Variants in ODF2L observed in about 807,000 individuals in gnomAD.
ODF2L encodes outer dense fiber of sperm tails 2 like, also known as protein BCAP.
In ODF2L, 76 loss-of-function variants were observed where a neutral mutation model predicts 86.3. The observed-to-expected ratio is 0.88, with a 90% CI of 0.73 to 1.07. The LOEUF is 1.07. Ranked by LOEUF, ODF2L falls within the 50% of genes least tolerant of loss-of-function variation. The pLI is 0.00. For missense variants in ODF2L, 748 were observed against 717.4 expected (o/e 1.04, Z -0.49); for synonymous variants, 241 against 231.3 (o/e 1.04, Z -0.38).
chr1:86,357,897 G>C, intron 13 of ODF2L: 1 of 984,970 alleles, frequency 1.0e-6, no homozygotes, highest in Non-Finnish European at 1.2e-6. Flanking sequence ...CAGAAAAGGA[G>C]ACATTTGCAC....
intron 3 of ODF2L, 140 bp from the exon 4 acceptor site, chr1:86,384,941 T>G (rs2273941): frequency 0.32 from 156,896 of 483,608 alleles, 26,035 homozygotes; most frequent in East Asian, 0.38. Flanking sequence ...GCTACGAAAT[T>G]TGTCAATAGT....
intron 1 of ODF2L, among the ~76,000 whole-genome samples, chr1:86,393,446 C>G (rs112820429): frequency 2.7e-5 from 4 of 150,254 alleles, no homozygotes; most frequent in Admixed American, 6.6e-5. Context: ...AAATCTTATG[C>G]GTAAAAGCTA....
intron 11 of ODF2L, among the ~76,000 whole-genome samples, chr1:86,365,773 A>G (rs1035748032): frequency 1.4e-4 from 21 of 152,210 alleles, no homozygotes; most frequent in African/African-American, 5.1e-4. Flanking sequence ...AAGTTCATCT[A>G]TCTGTAGAAT....
intron 11 of ODF2L, among the ~76,000 whole-genome samples, chr1:86,362,289 T>C (rs888496247): frequency 5.9e-5 from 9 of 152,004 alleles, no homozygotes; most frequent in African/African-American, 2.2e-4. Context: ...TTTTTTTACT[T>C]TTTAATTTGT....
intron 7 of ODF2L, 44 bp from the exon 8 acceptor site, chr1:86,376,462 A>G (rs1454786359): frequency 1.6e-6 from 2 of 1,227,972 alleles, no homozygotes; most frequent in East Asian, 2.3e-5. Flanking sequence ...CAGAACTCCA[A>G]TGTTTATGTA....
Position 86,354,755 on chromosome 1 carries a change from T to TA in ODF2L, c.1604+18dup, listed in dbSNP as rs761365366. ...GCAGAGAAATATGCAGCAGCAATGTTAAGTAATTTAATACTTACTGTTGAA... is the reference window on the plus strand; with the variant it reads ...GCAGAGAAATATGCAGCAGCAATGTTAAAGTAATTTAATACTTACTGTTGAA... On this transcript the variant is annotated intron_variant, in intron 15 of 17. Coordinates refer to ENST00000317336, the Ensembl canonical transcript of ODF2L. 1.9e-6 allele frequency: 3 copies of TA among 1,541,668 alleles called. No individual in the cohort carries two copies. Among genetic ancestry groups the TA allele is most frequent in the Non-Finnish European group, 2.7e-6 (3 of 1,116,408 alleles).
chr1:86,357,122 G>T (rs1658635618), intron 13 of ODF2L, among the ~76,000 whole-genome samples: 1 of 152,046 alleles, frequency 6.6e-6, no homozygotes, highest in Non-Finnish European at 1.5e-5. Context: ...CTTTAATTTG[G>T]CCATTAATGT....
chr1:86,358,657 T>A (rs554370032), intron 13 of ODF2L, 130 bp downstream of exon 12: 1 of 379,412 alleles, frequency 2.6e-6, no homozygotes, highest in African/African-American at 2.1e-5. Flanking sequence ...GAAAACAAAC[T>A]CTTACAGAGG....
chr1:86,352,168 C>A, exon 18 of ODF2L: 3 of 1,519,250 alleles, frequency 2.0e-6, no homozygotes, highest in Non-Finnish European at 2.6e-6. Flanking sequence ...TTTTTAGACA[C>A]TTGGGAATTA....
At chr1:86,359,479 C>A (rs1240386340) in intron 12 of ODF2L, among the ~76,000 whole-genome samples, 1 of 151,852 alleles carries the variant, frequency 6.6e-6, no homozygotes, top group African/African-American at 2.4e-5. Context: ...TCCTACTTGC[C>A]CACACTTTGG....
chr1:86,388,676 A>G (rs1661111029), intron 1 of ODF2L, among the ~76,000 whole-genome samples: 1 of 152,144 alleles, frequency 6.6e-6, no homozygotes, highest in Non-Finnish European at 1.5e-5. Context: ...GTAAGAAGAT[A>G]GAAATTTTCA....
intron 10 of ODF2L, among the ~76,000 whole-genome samples, chr1:86,370,296 G>A (rs965305335): frequency 2.4e-4 from 36 of 151,592 alleles, no homozygotes; most frequent in African/African-American, 8.8e-4. Context: ...ATATCATTTA[G>A]TTAATTCTAA....
chr1:86,371,238 T>A (rs565904970), intron 9 of ODF2L, 85 bp from the exon 10 acceptor site: 1 of 650,266 alleles, frequency 1.5e-6, no homozygotes, highest in South Asian at 3.2e-5. Context: ...CTGAAATCAC[T>A]TTGGCCGGGT....
chr1:86,381,838 T>TA (rs1660610311), intron 7 of ODF2L: 1 of 152,562 alleles, frequency 6.6e-6, no homozygotes. Context: ...TATTGACTGT[T>TA]AAACGTGTGA....
At chr1:86,357,873 A>C in intron 13 of ODF2L, 1 of 985,340 alleles carries the variant, frequency 1.0e-6, no homozygotes. Context: ...GCTTTTATTT[A>C]CAGTGCTGCC....
chr1:86,380,357 C>T (rs1269257848), intron 7 of ODF2L, among the ~76,000 whole-genome samples: 2 of 151,824 alleles, frequency 1.3e-5, no homozygotes, highest in Non-Finnish European at 2.9e-5. Context: ...AAACAAAATC[C>T]CATAAAACAT....
chr1:86,385,410 A>G, intron 3 of ODF2L, 48 bp downstream of exon 3: 1 of 1,182,934 alleles, frequency 8.5e-7, no homozygotes, highest in South Asian at 1.4e-5. Context: ...ATGCATTCTG[A>G]GTATTATACT....
At chr1:86,348,755 C>G, downstream of ODF2L, 1 of 1,483,258 alleles carries the variant, frequency 6.7e-7, no homozygotes. Flanking sequence ...ACAATTTATT[C>G]AAACATTGTT....
In ODF2L at chr1:86,368,818, C is replaced by T. The variant is rs1268137071; in HGVS notation, c.1057-96G>A. ...AAACATTGGGAATAACCTGAATGTC[C>T]AACAAATAGGGAATCACCTAACACT... On this transcript the variant is annotated intron_variant, in intron 10 of 17. Transcript: ENST00000317336. 3.8e-6 allele frequency: 4 copies of T among 1,060,850 alleles called. No individual in the cohort carries two copies. In the Admixed American group the frequency reaches 1.6e-4, roughly 42 times the overall value. 65.7% of individuals were successfully genotyped at this position (1,060,850 alleles called of 1,614,324 possible).
Sources: gnomAD v4.1 joint callset for allele counts (sites outside exome capture counted in the v4.1 genomes callset) on GRCh38, gnomAD v4.1.1 for gene constraint, MANE v1.5 for transcripts, NCBI Gene and HGNC (gene_info 2026-07-23, HGNC 2026-07-21) for gene names.